Variants in GALNT1 observed in about 807,000 individuals in gnomAD.
GALNT1 encodes GalNAc transferase 1.
A neutral mutation model predicts 65.7 loss-of-function variants in GALNT1; 17 were observed. That is an observed-to-expected ratio of 0.26 (90% CI 0.18 to 0.39). GALNT1 has a LOEUF of 0.39. GALNT1 is among the 10% of genes least tolerant of loss of function. GALNT1 has a pLI of 1.00. For missense variants in GALNT1, 460 were observed against 672.8 expected (o/e 0.68, Z 3.50); for synonymous variants, 210 against 219.7 (o/e 0.96, Z 0.39).
At chr18:35,700,394 C>T (rs754997700) in intron 9 of GALNT1, among the ~76,000 whole-genome samples, 104 of 152,172 alleles carry the variant, frequency 6.8e-4, no homozygotes, top group Non-Finnish European at 1.3e-3. Flanking sequence ...TGCCTCCAGG[C>T]GCCACCAGGA....
At chr18:35,603,203 G>A (rs936255037) in intron 1 of GALNT1, among the ~76,000 whole-genome samples, 1 of 152,148 alleles carries the variant, frequency 6.6e-6, no homozygotes, top group African/African-American at 2.4e-5. Flanking sequence ...GGGAACCCAA[G>A]CTGGTGGGGA....
intron 1 of GALNT1, among the ~76,000 whole-genome samples, chr18:35,640,464 A>G (rs2047146982): frequency 6.6e-6 from 1 of 152,192 alleles, no homozygotes; most frequent in African/African-American, 2.4e-5. Context: ...AAATAAATGG[A>G]GAGAGAATAT....
intron 3 of GALNT1, among the ~76,000 whole-genome samples, chr18:35,666,022 G>C (rs572496572): frequency 2.0e-5 from 3 of 152,246 alleles, no homozygotes; most frequent in Admixed American, 6.5e-5. Context: ...AGCCCAGATG[G>C]AGCCAGTGAG....
At chr18:35,698,328 G>C (rs1421977199) in intron 9 of GALNT1, among the ~76,000 whole-genome samples, 2 of 152,080 alleles carry the variant, frequency 1.3e-5, no homozygotes, top group African/African-American at 2.4e-5. Context: ...AATTAGCTGA[G>C]TGTGGTGGCC....
intron 9 of GALNT1, among the ~76,000 whole-genome samples, chr18:35,702,023 GT>G (rs763588719): frequency 3.9e-5 from 6 of 152,152 alleles, no homozygotes; most frequent in Non-Finnish European, 5.9e-5. Context: ...ATCTCAAAAG[GT>G]TTAGGTAACT....
chr18:35,629,221 A>G (rs2046968314), intron 1 of GALNT1, among the ~76,000 whole-genome samples: 1 of 152,208 alleles, frequency 6.6e-6, no homozygotes, highest in African/African-American at 2.4e-5. Context: ...AGAGAACGCC[A>G]CAAAGATACT....
chr18:35,613,510 A>G (rs72958881), intron 1 of GALNT1, among the ~76,000 whole-genome samples: 9,393 of 152,242 alleles, frequency 0.062, 323 homozygotes, highest in South Asian at 0.076. Context: ...GTAAGTTAGT[A>G]GTGATACTGG....
At chr18:35,652,216 C>T (rs748572825) in intron 1 of GALNT1, among the ~76,000 whole-genome samples, 5 of 152,158 alleles carry the variant, frequency 3.3e-5, no homozygotes, top group South Asian at 2.1e-4. Flanking sequence ...CATTCCCTTG[C>T]GGGGAACAGT....
At chr18:35,581,582 A>ACCGGCGGC (rs774214160), upstream of GALNT1, among the ~76,000 whole-genome samples, 1 of 137,440 alleles carries the variant, frequency 7.3e-6, no homozygotes, top group Admixed American at 7.1e-5. Context: ...GTGAGCGGGC[A>ACCGGCGGC]GGCGGCGCGC....
intron 11 of GALNT1, among the ~76,000 whole-genome samples, chr18:35,707,008 G>C (rs1347719065): frequency 6.6e-6 from 1 of 152,140 alleles, no homozygotes; most frequent in Non-Finnish European, 1.5e-5. Context: ...CAAGGTCTCT[G>C]AGCAGCCAGA....
At chr18:35,660,799 G>C (rs1448230002) in intron 2 of GALNT1, among the ~76,000 whole-genome samples, 1 of 152,086 alleles carries the variant, frequency 6.6e-6, no homozygotes, top group Admixed American at 6.5e-5. Context: ...TAATTCTGTA[G>C]GATATTGTAT....
intron 1 of GALNT1, among the ~76,000 whole-genome samples, chr18:35,607,610 T>G (rs548814143): frequency 1.3e-4 from 20 of 152,286 alleles, no homozygotes; most frequent in African/African-American, 4.6e-4. Flanking sequence ...GTATGGTGGC[T>G]CCATGGTTTT....
Position 35,709,920 on chromosome 18 carries a change from C to T in GALNT1, c.*150C>T. 1.1e-6 allele frequency: 1 copy of T among 888,076 alleles called. No individual in the cohort carries two copies. The highest frequency in any genetic ancestry group is 1.7e-6 in the Non-Finnish European group (1 of 599,584). The allele number at this position is 888,076 out of a possible 1,614,324, so 55.0% of individuals were successfully genotyped here. On this transcript the variant is annotated 3_prime_UTR_variant, in exon 12 of 12. Coordinates refer to ENST00000269195, the MANE Select transcript of GALNT1 (RefSeq NM_020474.4). ...ATCAGCCATTAAAACTTAGACTTCT[C>T]TAGCTTTTCACTAGCTGTGAACCAG...
intron 1 of GALNT1, among the ~76,000 whole-genome samples, chr18:35,589,325 A>T (rs2046416361): frequency 6.6e-6 from 1 of 152,116 alleles, no homozygotes; most frequent in Non-Finnish European, 1.5e-5. Context: ...TGGGTGCCTT[A>T]TTATAACCCG....
At chr18:35,629,236 C>A (rs927438957) in intron 1 of GALNT1, among the ~76,000 whole-genome samples, 5 of 152,044 alleles carry the variant, frequency 3.3e-5, no homozygotes, top group African/African-American at 1.2e-4. Context: ...GATACTCCTC[C>A]AGAAGAGCAA....
intron 1 of GALNT1, among the ~76,000 whole-genome samples, chr18:35,630,551 G>A (rs924608795): frequency 6.6e-6 from 1 of 152,176 alleles, no homozygotes; most frequent in Non-Finnish European, 1.5e-5. Flanking sequence ...CACATTTAAA[G>A]CAGTGTGTAG....
intron 2 of GALNT1, among the ~76,000 whole-genome samples, chr18:35,655,666 GTTTTC>G (rs954747757): frequency 1.3e-5 from 2 of 151,604 alleles, no homozygotes; most frequent in Non-Finnish European, 2.9e-5. Flanking sequence ...CTTTAAACAT[GTTTTC>G]TTTAAGCATA....
chr18:35,689,101 C>G, intron 6 of GALNT1, 72 bp from the exon 7 acceptor site: 1 of 948,168 alleles, frequency 1.1e-6, no homozygotes, highest in Non-Finnish European at 1.7e-6. Context: ...AGTTATGAAA[C>G]AGCTTTTAAA....
Position 35,603,619 on chromosome 18 carries a change from T to C in GALNT1, c.-104+21757T>C, listed in dbSNP as rs570600194. Among the ~76,000 whole-genome samples, 36 of 152,298 alleles carry C rather than the reference T, an allele frequency of 2.4e-4. 1 individual carries two copies. The South Asian group carries it at 7.2e-3, about 31-fold the overall frequency. ...CAATTCCTTACCTTCCCAAGACTTG[T>C]GGACTGTATATAGATTAGGAAACCC... On this transcript the variant is annotated intron_variant, in intron 1 of 11. Coordinates refer to ENST00000269195, the MANE Select transcript of GALNT1 (RefSeq NM_020474.4).
Sources: allele counts gnomAD v4.1 joint callset (sites outside exome capture counted in the v4.1 genomes callset), GRCh38; gene constraint gnomAD v4.1.1; transcripts MANE v1.5; gene names NCBI Gene and HGNC (gene_info 2026-07-23, HGNC 2026-07-21).